ST8SIA6: variants seen among roughly 807,000 people sequenced by gnomAD.
ST8SIA6 encodes the protein ST8 alpha-N-acetyl-neuraminide alpha-2,8-sialyltransferase 6, also known as alpha-2,8-sialyltransferase 8F.
Under a neutral mutation model 33.6 loss-of-function variants are expected in ST8SIA6, and 39 were observed. The observed-to-expected ratio is 1.16, with a 90% CI of 0.90 to 1.52. ST8SIA6 has a LOEUF of 1.52. Ranked by LOEUF, ST8SIA6 falls within the 40% of genes most tolerant of loss-of-function variation. The pLI is 0.00. For synonymous variants in ST8SIA6, 172 were observed against 167.2 expected (o/e 1.03, Z -0.22); for missense variants, 441 against 443.8 (o/e 0.99, Z 0.06).
chr10:17,370,932 T>C (rs1041044898), intron 3 of ST8SIA6, among the ~76,000 whole-genome samples: 1 of 152,178 alleles, frequency 6.6e-6, no homozygotes, highest in Non-Finnish European at 1.5e-5. Context: ...AAAATAGTCC[T>C]TAAGAGAGCA....
chr10:17,437,220 C>T (rs574645533), intron 2 of ST8SIA6, among the ~76,000 whole-genome samples: 36 of 152,248 alleles, frequency 2.4e-4, no homozygotes, highest in African/African-American at 6.5e-4. Context: ...AGTGCAGTGG[C>T]GCAATCACAG....
chr10:17,453,560 T>C lies in ST8SIA6; in HGVS notation c.199A>G (p.Ser67Gly). 1 of 1,324,616 alleles carries C rather than the reference T, an allele frequency of 7.5e-7. No homozygotes were observed. Among genetic ancestry groups the C allele is most frequent in the Non-Finnish European group, 9.7e-7 (1 of 1,029,340 alleles). 82.1% of individuals were successfully genotyped at this position (1,324,616 alleles called of 1,614,324 possible). ...CGCCCGCGCTGGGCGCCGCTGTACCTGTTAGTGGCGCGCGGTACCGCGGTC... is the reference window on the plus strand; with the variant it reads ...CGCCCGCGCTGGGCGCCGCTGTACCCGTTAGTGGCGCGCGGTACCGCGGTC... ...PATAVPRATNSTYLNEKSLQL... is the reference protein window; with the variant it reads ...PATAVPRATNGTYLNEKSLQL... Residue 67 changes from serine (S) to glycine (G), a missense_variant and splice_region_variant, in exon 2 of 8, where the codon AGC (serine) becomes GGC (glycine). Transcript: ENST00000377602.
At chr10:17,346,686 A>C (rs1848848255) in intron 4 of ST8SIA6, among the ~76,000 whole-genome samples, 1 of 152,184 alleles carries the variant, frequency 6.6e-6, no homozygotes, top group South Asian at 2.1e-4. Flanking sequence ...GTTTTAAGCC[A>C]TCAGTTTGGG....
chr10:17,320,182 T>A lies in ST8SIA6; in HGVS notation c.*696A>T, dbSNP rs1214056000. 1.3e-5 allele frequency: 2 copies of A among 152,114 alleles called. No homozygotes were observed. Among genetic ancestry groups the A allele is most frequent in the African/African-American group, 4.8e-5 (2 of 41,420 alleles). 9.4% of individuals were successfully genotyped at this position (152,114 alleles called of 1,614,324 possible). On this transcript the variant is annotated 3_prime_UTR_variant, in exon 8 of 8. Transcript: ENST00000377602. ...GTTCACGTCCTTGAAGTATATCGTA[T>A]AAGTGAGAGAGAAAAAAGTGTAAGA... is the stretch of plus-strand genomic sequence containing the variant.
Position 17,333,684 on chromosome 10 carries a change from T to G in ST8SIA6, c.378-2132A>C, listed in dbSNP as rs1300131116. On this transcript the variant is annotated intron_variant, in intron 4 of 7. Transcript: ENST00000377602. ...TAAATGGTGCTGGGATATATATATATATATATATATATATATATATATATA... is the reference window on the plus strand; with the variant it reads ...TAAATGGTGCTGGGATATATATATAGATATATATATATATATATATATATA... 6.4e-3 allele frequency among the ~76,000 whole-genome samples: 104 copies of G among 16,190 alleles called. 1 individual carries two copies. The highest frequency in any genetic ancestry group is 0.03 in the African/African-American group (100 of 3,296). 10.6% of individuals were successfully genotyped at this position (16,190 alleles called of 152,430 possible). A position where few individuals can be genotyped will look rare whatever the true frequency, so the allele number is the denominator to read the frequency against.
chr10:17,447,167 G>A (rs567463058), intron 2 of ST8SIA6, among the ~76,000 whole-genome samples: 117 of 152,160 alleles, frequency 7.7e-4, no homozygotes, highest in Middle Eastern at 6.8e-3. Context: ...GAGGGGGCTG[G>A]ATCACGAGGT....
At chr10:17,431,084 A>G (rs1325500940) in intron 2 of ST8SIA6, among the ~76,000 whole-genome samples, 1 of 152,186 alleles carries the variant, frequency 6.6e-6, no homozygotes, top group Non-Finnish European at 1.5e-5. Context: ...TTGAGTAGGG[A>G]TTTCCTTTTC....
At chr10:17,335,309 T>C (rs1198630342) in intron 4 of ST8SIA6, among the ~76,000 whole-genome samples, 2 of 152,254 alleles carry the variant, frequency 1.3e-5, no homozygotes, top group African/African-American at 2.4e-5. Flanking sequence ...TTAGAAATAG[T>C]CCTTCCTCAG....
At chr10:17,424,055 T>C (rs1404499525) in intron 2 of ST8SIA6, among the ~76,000 whole-genome samples, 1 of 152,096 alleles carries the variant, frequency 6.6e-6, no homozygotes, top group Non-Finnish European at 1.5e-5. Context: ...TCACCCCACC[T>C]GATGCCTTAA....
At chr10:17,423,846 A>G (rs887681039) in intron 2 of ST8SIA6, among the ~76,000 whole-genome samples, 1 of 152,202 alleles carries the variant, frequency 6.6e-6, no homozygotes, top group African/African-American at 2.4e-5. Context: ...CACACAATAT[A>G]TATCTTACTA....
At chr10:17,333,715 A>T (rs71495257) in intron 4 of ST8SIA6, among the ~76,000 whole-genome samples, 13,631 of 35,308 alleles carry the variant, frequency 0.39, 2,887 homozygotes, top group East Asian at 0.78. Context: ...ATATATATAT[A>T]TATTTTTTTT....
intron 4 of ST8SIA6, among the ~76,000 whole-genome samples, chr10:17,340,069 G>A (rs1368932903): frequency 2.6e-5 from 4 of 152,200 alleles, no homozygotes; most frequent in African/African-American, 9.7e-5. Flanking sequence ...GCCATTGCCA[G>A]GGCTTGCACT....
chr10:17,356,360 A>G (rs1026814376), intron 4 of ST8SIA6, among the ~76,000 whole-genome samples: 1 of 151,942 alleles, frequency 6.6e-6, no homozygotes, highest in African/African-American at 2.4e-5. Context: ...TTCTATGACA[A>G]CAAAATGTAT....
intron 7 of ST8SIA6, among the ~76,000 whole-genome samples, 198 bp from the exon 8 acceptor site, chr10:17,321,544 C>A (rs373924664): frequency 5.3e-5 from 8 of 152,180 alleles, no homozygotes; most frequent in Non-Finnish European, 1.0e-4. Context: ...ATCTTCATCT[C>A]TCTTTCTTGG....
In ST8SIA6 at chr10:17,454,210, GC is replaced by G; in HGVS notation, c.45del (p.Leu16CysfsTer36). On this transcript the variant is annotated frameshift_variant, in exon 1 of 8. Transcript: ENST00000377602. LOFTEE classifies it high-confidence loss of function. This position sits in a 1 kb window ranked among gnomAD's most constrained non-coding sequence, Gnocchi z 4.1. ...CAGAGCAGGCGCAGCAGCAGCAGCA[GC>G]AGCAGGCTGGCGAGCAGGGCGAGCA... ...GALLALLASL[L>X]LLLLLRLLWC... The G allele has an allele frequency of 3.6e-6, 1 of 277,024 alleles. No individual in the cohort carries two copies. The highest frequency in any genetic ancestry group is 1.3e-4 in the South Asian group (1 of 7,900). The allele number at this position is 277,024 out of a possible 1,614,324, so 17.2% of individuals were successfully genotyped here.
At chr10:17,398,547 C>A (rs1234643504) in intron 2 of ST8SIA6, among the ~76,000 whole-genome samples, 1 of 152,084 alleles carries the variant, frequency 6.6e-6, no homozygotes, top group African/African-American at 2.4e-5. Flanking sequence ...GAATAATCTG[C>A]AAATGGGCAA....
chr10:17,340,287 C>G (rs1485630219), intron 4 of ST8SIA6, among the ~76,000 whole-genome samples: 1 of 152,086 alleles, frequency 6.6e-6, no homozygotes, highest in African/African-American at 2.4e-5. Context: ...CCTGAGTCAC[C>G]CTGGTCACCT....
chr10:17,366,239 A>G (rs1159310626), intron 3 of ST8SIA6, among the ~76,000 whole-genome samples: 1 of 152,208 alleles, frequency 6.6e-6, no homozygotes, highest in Non-Finnish European at 1.5e-5. Context: ...TTAGAGTGTC[A>G]TGGGTATTGT....
At chr10:17,386,867 T>A (rs781543687) in intron 3 of ST8SIA6, 5 of 152,368 alleles carry the variant, frequency 3.3e-5, no homozygotes, top group Non-Finnish European at 7.3e-5. Context: ...AACAGCTCTC[T>A]CCCCGCTTCT....
Sources: allele counts gnomAD v4.1 joint callset (sites outside exome capture counted in the v4.1 genomes callset), GRCh38; gene constraint gnomAD v4.1.1; non-coding constraint Gnocchi (gnomAD v3.1); transcripts MANE v1.5; gene names NCBI Gene and HGNC (gene_info 2026-07-23, HGNC 2026-07-21).